Variants in SCAPER observed in about 807,000 individuals in gnomAD.
The protein encoded by SCAPER is S phase cyclin A-associated protein in the endoplasmic reticulum.
A neutral mutation model predicts 182.2 loss-of-function variants in SCAPER; 98 were observed. That is an observed-to-expected ratio of 0.54 (90% CI 0.46 to 0.64). The LOEUF (loss-of-function observed/expected upper bound fraction) is 0.64, where lower values mean the gene tolerates loss of function less well. Among genes scored for constraint, SCAPER ranks in the 30% least tolerant of loss-of-function variants. SCAPER has a pLI of 0.00. For synonymous variants in SCAPER, 605 were observed against 564.6 expected (o/e 1.07, Z -1.01); for missense variants, 1,432 against 1,690.0 (o/e 0.85, Z 2.68).
At chr15:76,575,586 CT>C (rs1236338632) in intron 22 of SCAPER, among the ~76,000 whole-genome samples, 6 of 152,194 alleles carry the variant, frequency 3.9e-5, no homozygotes, top group Non-Finnish European at 8.8e-5. Context: ...TGCATGAGTT[CT>C]TTCTGGATCT....
chr15:76,492,888 A>G (rs1344824267), intron 24 of SCAPER, among the ~76,000 whole-genome samples: 1 of 133,326 alleles, frequency 7.5e-6, no homozygotes, highest in African/African-American at 3.0e-5. Context: ...TTTTTTTTGC[A>G]GAAGACAATG....
chr15:76,562,455 G>A (rs953484663), intron 23 of SCAPER, among the ~76,000 whole-genome samples: 12 of 152,016 alleles, frequency 7.9e-5, no homozygotes, highest in East Asian at 1.9e-4. Context: ...GTAGAAAAAC[G>A]TGCAAAAGAT....
intron 27 of SCAPER, among the ~76,000 whole-genome samples, chr15:76,383,105 T>TATAC (rs2043070218): frequency 2.7e-5 from 4 of 149,948 alleles, no homozygotes; most frequent in Non-Finnish European, 4.4e-5. Flanking sequence ...TGTGTGTAAA[T>TATAC]ACACACACAC....
chr15:76,486,097 C>T (rs1316405677), intron 24 of SCAPER, among the ~76,000 whole-genome samples: 1 of 152,120 alleles, frequency 6.6e-6, no homozygotes, highest in African/African-American at 2.4e-5. Context: ...GTTCCAGCTA[C>T]TTGTGAGGCT....
intron 26 of SCAPER, among the ~76,000 whole-genome samples, chr15:76,412,114 G>A (rs2045330385): frequency 6.6e-6 from 1 of 152,098 alleles, no homozygotes; most frequent in Non-Finnish European, 1.5e-5. Flanking sequence ...TGGATATCCA[G>A]TTGTTCTAGC....
intron 22 of SCAPER, among the ~76,000 whole-genome samples, chr15:76,611,841 A>C (rs947851309): frequency 6.6e-6 from 1 of 152,130 alleles, no homozygotes; most frequent in South Asian, 2.1e-4. Context: ...AAAGACAAAA[A>C]CCACATGATT....
intron 22 of SCAPER, among the ~76,000 whole-genome samples, chr15:76,577,955 G>T (rs1432314914): frequency 6.6e-6 from 1 of 152,106 alleles, no homozygotes; most frequent in Non-Finnish European, 1.5e-5. Context: ...CACCTGAACT[G>T]GGCCACAGGG....
intron 20 of SCAPER, among the ~76,000 whole-genome samples, chr15:76,697,034 G>A (rs749300931): frequency 3.9e-5 from 6 of 152,124 alleles, no homozygotes; most frequent in Non-Finnish European, 7.4e-5. Flanking sequence ...TATCTGAGAT[G>A]TTAAGTTCAT....
intron 26 of SCAPER, among the ~76,000 whole-genome samples, chr15:76,414,870 A>G (rs2045546472): frequency 1.3e-5 from 2 of 152,240 alleles, no homozygotes; most frequent in South Asian, 4.1e-4. Flanking sequence ...TGTTCAGTAT[A>G]GTCATTAGCT....
At chr15:76,397,474 C>CTT (rs71143321) in intron 27 of SCAPER, among the ~76,000 whole-genome samples, 16,158 of 71,534 alleles carry the variant, frequency 0.23, 3,013 homozygotes, top group Admixed American at 0.31. Context: ...TATTGGCAGA[C>CTT]TTTTTTTTTT....
At chr15:76,769,904 C>T (rs550600572) in intron 10 of SCAPER, among the ~76,000 whole-genome samples, 2 of 152,190 alleles carry the variant, frequency 1.3e-5, no homozygotes, top group African/African-American at 4.8e-5. Flanking sequence ...CACACGCACA[C>T]GTATGTTTAT....
At chr15:76,484,949 C>G (rs2051478986) in intron 24 of SCAPER, among the ~76,000 whole-genome samples, 1 of 152,174 alleles carries the variant, frequency 6.6e-6, no homozygotes, top group African/African-American at 2.4e-5. Context: ...AGCCATCATA[C>G]TGAATGGGCA....
At chr15:76,621,738 G>A (rs2052082558) in intron 22 of SCAPER, 26 bp downstream of exon 22, 2 of 1,582,406 alleles carry the variant, frequency 1.3e-6, no homozygotes, top group Non-Finnish European at 1.7e-6. Context: ...CTGAAGAAAA[G>A]GAGAACTAAA....
intron 14 of SCAPER, among the ~76,000 whole-genome samples, chr15:76,755,336 GTCAACTTTACTACTGTAT>G (rs2062354350): frequency 6.6e-6 from 1 of 152,102 alleles, no homozygotes; most frequent in African/African-American, 2.4e-5. Flanking sequence ...TACAGTCCTA[GTCAACTTTACTACTGTAT>G]TCAACAGAAT....
intron 25 of SCAPER, among the ~76,000 whole-genome samples, chr15:76,465,812 T>C (rs1348818187): frequency 6.6e-6 from 1 of 152,068 alleles, no homozygotes; most frequent in Non-Finnish European, 1.5e-5. Context: ...TCCAACACAG[T>C]TTATTGAAGA....
At chr15:76,885,724 A>C (rs2073803805) in intron 1 of SCAPER, among the ~76,000 whole-genome samples, 1 of 152,172 alleles carries the variant, frequency 6.6e-6, no homozygotes, top group Non-Finnish European at 1.5e-5. Context: ...GGCTCAAGCA[A>C]TCCACCCACC....
intron 21 of SCAPER, among the ~76,000 whole-genome samples, chr15:76,649,229 T>C (rs1357141467): frequency 1.3e-5 from 2 of 152,210 alleles, no homozygotes; most frequent in South Asian, 2.1e-4. Context: ...GTATTTACCC[T>C]AGACAATGAC....
intron 17 of SCAPER, among the ~76,000 whole-genome samples, chr15:76,723,758 A>G (rs946436286): frequency 2.0e-5 from 3 of 151,810 alleles, no homozygotes; most frequent in African/African-American, 7.3e-5. Context: ...CCTGCCTTTT[A>G]TTGTTTTCCA....
chr15:76,873,472 T>C (rs1299112064), intron 2 of SCAPER, among the ~76,000 whole-genome samples: 1 of 152,084 alleles, frequency 6.6e-6, no homozygotes, highest in Non-Finnish European at 1.5e-5. Context: ...CTAGAGTATA[T>C]ATAGTGATAC....
Sources: gnomAD v4.1 joint callset for allele counts (sites outside exome capture counted in the v4.1 genomes callset) on GRCh38, gnomAD v4.1.1 for gene constraint, MANE v1.5 for transcripts, NCBI Gene and HGNC (gene_info 2026-07-23, HGNC 2026-07-21) for gene names.